GABRA3: variants seen among roughly 807,000 people sequenced by gnomAD.
GABRA3 encodes the protein gamma-aminobutyric acid type A receptor subunit alpha3.
Under a neutral mutation model 30.1 loss-of-function variants are expected in GABRA3, and 10 were observed. The ratio of observed to expected loss-of-function variants is 0.33; its 90% CI spans 0.20 to 0.56. The LOEUF (loss-of-function observed/expected upper bound fraction) is 0.56. Among genes scored for constraint, GABRA3 ranks in the 20% least tolerant of loss-of-function variants. GABRA3 has a pLI of 0.89. For missense variants in GABRA3, 233 were observed against 392.0 expected, an observed-to-expected ratio of 0.59 and a Z score of 3.42; for synonymous variants, 151 against 146.8, an observed-to-expected ratio of 1.03 and a Z score of -0.21.
chrX:152,326,339 G>A (rs769189717), intron 3 of GABRA3, among the ~76,000 whole-genome samples: 25 of 111,115 alleles, frequency 2.2e-4, no homozygotes, highest in Non-Finnish European at 3.6e-4. Context: ...ATTCAAATTC[G>A]GGAAATACAG....
At chrX:152,212,536 A>G (rs1165058612) in intron 6 of GABRA3, among the ~76,000 whole-genome samples, 3 of 109,464 alleles carry the variant, frequency 2.7e-5, no homozygotes. Flanking sequence ...CTTGGGAAGG[A>G]TCACCCTAGC....
intron 1 of GABRA3, chrX:152,389,444 T>C (rs1167665939): frequency 9.0e-6 from 1 of 111,378 alleles, no homozygotes; most frequent in Non-Finnish European, 1.9e-5. Flanking sequence ...TTAATGCAAA[T>C]GGAGATCCCA....
At chrX:152,335,731 T>A (rs1489289008) in intron 3 of GABRA3, among the ~76,000 whole-genome samples, 1 of 111,604 alleles carries the variant, frequency 9.0e-6, no homozygotes, top group Non-Finnish European at 1.9e-5. Flanking sequence ...CAAAGATTCT[T>A]TTTTTTCAGA....
At chrX:152,300,225 T>A (rs986873756) in intron 3 of GABRA3, among the ~76,000 whole-genome samples, 7 of 112,181 alleles carry the variant, frequency 6.2e-5, no homozygotes, top group African/African-American at 2.3e-4. Context: ...CTTTGATAAT[T>A]GAACTATGAA....
chrX:152,444,732 GTGTTTTTTTTTTTT>G (rs1931022115), intron 1 of GABRA3, among the ~76,000 whole-genome samples: 1 of 23,231 alleles, frequency 4.3e-5, no homozygotes, highest in African/African-American at 1.7e-4. Flanking sequence ...TAATACTTGT[GTGTTTTTTTTTTTT>G]TGTTTTTTTT....
At chrX:152,187,757 C>A (rs892611632) in intron 9 of GABRA3, among the ~76,000 whole-genome samples, 1 of 112,048 alleles carries the variant, frequency 8.9e-6, no homozygotes, top group African/African-American at 3.2e-5. Flanking sequence ...AGTTACTCCC[C>A]CAATGATATT....
chrX:152,241,219 C>G (rs1237253034), intron 5 of GABRA3, among the ~76,000 whole-genome samples: 1 of 96,097 alleles, frequency 1.0e-5, no homozygotes, highest in Non-Finnish European at 2.2e-5. Flanking sequence ...TTCTAACAGA[C>G]AGGACCCTCA....
At position 152,345,548 on chromosome X, in the gene GABRA3, GAAAAGGACTTCAAAGATCTT is replaced by G; in HGVS notation, c.262+13_262+32del. The G allele has an allele frequency of 8.4e-7, 1 of 1,186,365 alleles. No homozygotes were observed. On this transcript the variant is annotated intron_variant, in intron 3 of 9. Coordinates refer to ENST00000370314, the MANE Select transcript of GABRA3 (RefSeq NM_000808.4). ...ATAACAATGGCCAAGAAGAAGATCT[GAAAAGGACTTCAAAGATCTT>G]AAAAGGACTGACCTCCAAGCCCAGG...
At chrX:152,387,285 CTT>C (rs1004629416) in intron 1 of GABRA3, among the ~76,000 whole-genome samples, 2 of 110,547 alleles carry the variant, frequency 1.8e-5, no homozygotes, top group African/African-American at 6.6e-5. Context: ...TACCCTAAAA[CTT>C]AAAGTATAAT....
intron 3 of GABRA3, among the ~76,000 whole-genome samples, chrX:152,328,228 G>C (rs1377211888): frequency 9.0e-6 from 1 of 111,573 alleles, no homozygotes; most frequent in Non-Finnish European, 1.9e-5. Context: ...ACGAAAAAAA[G>C]TCCAGGACCA....
chrX:152,374,486 G>A lies in GABRA3; in HGVS notation c.-26-9890C>T, dbSNP rs534674320. Among the ~76,000 whole-genome samples, 51 of 108,614 alleles carry A rather than the reference G, an allele frequency of 4.7e-4. 1 individual carries two copies. The South Asian group carries it at 0.018, about 38-fold the overall frequency. The allele number at this position is 108,614 out of a possible 115,157, so 94.3% of individuals were successfully genotyped here. A position where few individuals can be genotyped will look rare whatever the true frequency, so the allele number is the denominator to read the frequency against. On this transcript the variant is annotated intron_variant, in intron 1 of 9. Coordinates refer to ENST00000370314, the MANE Select transcript of GABRA3 (RefSeq NM_000808.4). ...CTGCCTCAGCCTCCCGAGTAGCTGG[G>A]ACTACAGGCACGCGCCACCACACCT...
rs995510454 is a variant in GABRA3 at position 152,231,678 on chromosome X, T to C, written c.552-6833A>G. ...TACTTTAATTACTCTAATTATTCAC[T>C]AACAAAGATAAATGAAAACATATGT... is the stretch of plus-strand genomic sequence containing the variant. On this transcript the variant is annotated intron_variant, in intron 5 of 9. Coordinates refer to ENST00000370314, the MANE Select transcript of GABRA3 (RefSeq NM_000808.4). 6.3e-5 allele frequency among the ~76,000 whole-genome samples: 7 copies of C among 111,465 alleles called. No homozygotes were observed. In the Admixed American group the frequency reaches 6.7e-4, roughly 11 times the overall value.
At chrX:152,299,227 A>T (rs1939588061) in intron 3 of GABRA3, among the ~76,000 whole-genome samples, 1 of 112,400 alleles carries the variant, frequency 8.9e-6, no homozygotes, top group Admixed American at 9.5e-5. Context: ...TCTGAGTCTG[A>T]AAATAAAGAG....
At chrX:152,211,283 C>T (rs1471774536) in intron 6 of GABRA3, among the ~76,000 whole-genome samples, 1 of 108,759 alleles carries the variant, frequency 9.2e-6, no homozygotes, top group East Asian at 2.9e-4. Context: ...GAGTACCTGG[C>T]ACAGACAACA....
chrX:152,355,715 T>C (rs1354852950), intron 2 of GABRA3, among the ~76,000 whole-genome samples: 1 of 112,011 alleles, frequency 8.9e-6, no homozygotes, highest in African/African-American at 3.2e-5. Flanking sequence ...CTTAGGCACT[T>C]ACGTGTTGAC....
At chrX:152,284,610 A>G in intron 4 of GABRA3, 58 bp downstream of exon 4, 1 of 806,109 alleles carries the variant, frequency 1.2e-6, no homozygotes, top group Admixed American at 2.6e-5. Flanking sequence ...GGAAAGCTCC[A>G]ATTTATTTTC....
At chrX:152,402,679 A>T (rs949778433) in intron 1 of GABRA3, among the ~76,000 whole-genome samples, 4 of 111,671 alleles carry the variant, frequency 3.6e-5, no homozygotes, top group Non-Finnish European at 7.5e-5. Flanking sequence ...TATACAACAG[A>T]TATGGAAGTA....
At chrX:152,193,324 A>C (rs1053073777) in intron 8 of GABRA3, among the ~76,000 whole-genome samples, 2 of 111,678 alleles carry the variant, frequency 1.8e-5, no homozygotes, top group African/African-American at 6.5e-5. Flanking sequence ...TCCACTCAGC[A>C]TATTTTTAGG....
intron 3 of GABRA3, among the ~76,000 whole-genome samples, chrX:152,304,165 GATTT>G (rs776183756): frequency 9.0e-6 from 1 of 110,653 alleles, no homozygotes; most frequent in South Asian, 3.9e-4. Context: ...TTTGCTTCTT[GATTT>G]ATTTAAGTTC....
Sources: gnomAD v4.1 joint callset for allele counts (sites outside exome capture counted in the v4.1 genomes callset) on GRCh38, gnomAD v4.1.1 for gene constraint, MANE v1.5 for transcripts, NCBI Gene and HGNC (gene_info 2026-07-23, HGNC 2026-07-21) for gene names.